The following RABGAP1 variants were observed in gnomAD, a reference collection of about 807,000 sequenced individuals.
RABGAP1 encodes RAB GTPase activating protein 1.
In RABGAP1, 23 loss-of-function variants were observed where a neutral mutation model predicts 137.6. The ratio of observed to expected loss-of-function variants is 0.17; its 90% CI spans 0.12 to 0.24. The LOEUF (loss-of-function observed/expected upper bound fraction) is 0.24. Among genes scored for constraint, RABGAP1 ranks in the 10% least tolerant of loss-of-function variants. The pLI, the probability that RABGAP1 is intolerant of heterozygous loss-of-function variation, is 1.00. For synonymous variants in RABGAP1, 451 were observed against 450.7 expected, an observed-to-expected ratio of 1.00 and a Z score of -0.01; for missense variants, 906 against 1,275.8, an observed-to-expected ratio of 0.71 and a Z score of 4.42.
At position 123,010,451 on chromosome 9, in the gene RABGAP1, G is replaced by A; in HGVS notation, c.1472G>A (p.Ser491Asn). ...SERERRKTTA[S>N]PSVRLPQSGS... ...AGAGAGAGGAGGAAAACTACAGCCA[G>A]TCCTTCAGTTCGCCTGCCACAGTCT... Residue 491 changes from serine to asparagine, a missense_variant, in exon 11 of 26, where the codon AGT (serine) becomes AAT (asparagine). Ser to Asn is a conservative substitution (Grantham distance 46). Coordinates refer to ENST00000373647, the MANE Select transcript of RABGAP1 (RefSeq NM_012197.4). 1 of 1,612,912 alleles carries A rather than the reference G, an allele frequency of 6.2e-7. No individual in the cohort carries two copies. The highest frequency in any genetic ancestry group is 1.3e-5 in the African/African-American group (1 of 75,012).
intron 13 of RABGAP1, chr9:123,035,776 C>T (rs1322383598): frequency 1.7e-5 from 9 of 527,802 alleles, no homozygotes; most frequent in Non-Finnish European, 2.6e-5. Context: ...GTATGGATAC[C>T]TTCTAAGTTT....
chr9:123,025,064 A>C (rs548125662), intron 13 of RABGAP1, among the ~76,000 whole-genome samples: 2 of 152,128 alleles, frequency 1.3e-5, no homozygotes, highest in South Asian at 4.2e-4. Flanking sequence ...GTTAATTTTT[A>C]TGTCTTTAAT....
At chr9:123,017,615 G>A (rs2131910660) in intron 12 of RABGAP1, among the ~76,000 whole-genome samples, 1 of 152,222 alleles carries the variant, frequency 6.6e-6, no homozygotes, top group Non-Finnish European at 1.5e-5. Flanking sequence ...TAAGCTGTGT[G>A]GTCTTAGACA....
intron 13 of RABGAP1, among the ~76,000 whole-genome samples, chr9:123,041,772 T>C (rs942587435): frequency 7.3e-4 from 111 of 152,222 alleles, no homozygotes; most frequent in Admixed American, 1.8e-3. Context: ...GCCTGATTTG[T>C]CTATTGACCA....
At chr9:123,022,040 A>G (rs978536089) in intron 13 of RABGAP1, among the ~76,000 whole-genome samples, 2 of 152,382 alleles carry the variant, frequency 1.3e-5, no homozygotes, top group East Asian at 1.9e-4. Flanking sequence ...ATAAGGTTAT[A>G]TAACATGTAT....
intron 2 of RABGAP1, among the ~76,000 whole-genome samples, chr9:122,978,634 C>T (rs530511683): frequency 4.9e-4 from 74 of 152,186 alleles, no homozygotes; most frequent in Non-Finnish European, 1.0e-3. Context: ...AACCCTGTCT[C>T]TCAAAAAATA....
Position 123,086,831 on chromosome 9 carries a change from C to T in RABGAP1, c.2425-2927C>T, listed in dbSNP as rs369788831. ...AAGACAGCAGAGCTTTGTGTACACC[C>T]GTTCCTGAGAGGTGACCCCTGAGGA... On this transcript the variant is annotated intron_variant, in intron 19 of 25. Transcript: ENST00000373647. 1.1e-3 allele frequency among the ~76,000 whole-genome samples: 169 copies of T among 152,168 alleles called. 4 individuals carry two copies. The South Asian group carries it at 0.033, about 30-fold the overall frequency.
chr9:123,042,863 A>G (rs1399923349), intron 13 of RABGAP1, among the ~76,000 whole-genome samples: 3 of 152,228 alleles, frequency 2.0e-5, no homozygotes, highest in African/African-American at 7.2e-5. Context: ...CATGATGGCA[A>G]ATTGTTATAA....
At chr9:122,978,904 CTTTAT>C (rs1480942504) in intron 2 of RABGAP1, among the ~76,000 whole-genome samples, 2 of 38,556 alleles carry the variant, frequency 5.2e-5, no homozygotes. Flanking sequence ...TTTTATTTTA[CTTTAT>C]TTTATTTTAT....
rs373310759 is a variant in RABGAP1, at chr9:123,055,471, GTCC to G, written c.1795-9872_1795-9870del. Among the ~76,000 whole-genome samples, 411 of 151,436 alleles carry G rather than the reference GTCC, an allele frequency of 2.7e-3. 1 individual carries two copies. The highest frequency in any genetic ancestry group is 4.7e-3 in the Non-Finnish European group (319 of 67,866). ...GGTCTTGAACTCCTTGGTTCACGCAGTCCTCCTGCCTTGGCTTCCTAAAGTGCT... is the reference window on the plus strand; with the variant it reads ...GGTCTTGAACTCCTTGGTTCACGCAGTCCTGCCTTGGCTTCCTAAAGTGCT... On this transcript the variant is annotated intron_variant, in intron 13 of 25. Coordinates refer to ENST00000373647, the MANE Select transcript of RABGAP1 (RefSeq NM_012197.4).
At chr9:122,956,637 G>T (rs1834539264) in intron 1 of RABGAP1, among the ~76,000 whole-genome samples, 1 of 114,814 alleles carries the variant, frequency 8.7e-6, no homozygotes, top group African/African-American at 3.4e-5. Flanking sequence ...GCGACAGAGT[G>T]AGACTCCGTC....
Position 123,070,220 on chromosome 9 carries a change from C to G in RABGAP1, c.1909-130C>G. ...TGGAGAGAAGTATTGGCACCACTTACTGTCTGTCAAAATGCTGTCCCAGTG... is the reference window on the plus strand; with the variant it reads ...TGGAGAGAAGTATTGGCACCACTTAGTGTCTGTCAAAATGCTGTCCCAGTG... On this transcript the variant is annotated intron_variant, in intron 14 of 25. Transcript: ENST00000373647. This position sits in a 1 kb window ranked among gnomAD's most constrained non-coding sequence, Gnocchi z 4.4. 6.8e-7 allele frequency: 1 copy of G among 1,477,062 alleles called. No homozygotes were observed. The highest frequency in any genetic ancestry group is 2.2e-5 in the Admixed American group (1 of 44,484). 91.5% of individuals were successfully genotyped at this position (1,477,062 alleles called of 1,614,324 possible). A position where few individuals can be genotyped will look rare whatever the true frequency, so the allele number is the denominator to read the frequency against.
intron 1 of RABGAP1, among the ~76,000 whole-genome samples, chr9:122,941,828 A>G (rs1286602868): frequency 3.3e-5 from 5 of 152,274 alleles, no homozygotes; most frequent in African/African-American, 1.2e-4. Flanking sequence ...GCTCTTCTGC[A>G]TCCAGACTGT....
chr9:123,076,540 G>A, intron 18 of RABGAP1, 94 bp from the exon 19 acceptor site: 1 of 1,385,950 alleles, frequency 7.2e-7, no homozygotes, highest in Non-Finnish European at 9.7e-7. Context: ...TCTGGGGATT[G>A]TAAAAGTGCT....
At chr9:122,942,376 T>G (rs1200711028) in intron 1 of RABGAP1, among the ~76,000 whole-genome samples, 1 of 152,116 alleles carries the variant, frequency 6.6e-6, no homozygotes, top group Non-Finnish European at 1.5e-5. Context: ...AGAGCTTACT[T>G]ATGAAAACTG....
intron 4 of RABGAP1, 135 bp downstream of exon 4, chr9:122,986,554 A>T: frequency 1.0e-6 from 1 of 957,204 alleles, no homozygotes; most frequent in Non-Finnish European, 1.6e-6. Flanking sequence ...CCTGGCACTC[A>T]TGTCTCCCAA....
chr9:122,996,442 T>C, intron 7 of RABGAP1, 97 bp from the exon 8 acceptor site: 2 of 1,249,228 alleles, frequency 1.6e-6, no homozygotes, highest in Non-Finnish European at 2.2e-6. Flanking sequence ...ATGTGTTCTC[T>C]TTTCTATCAG....
At chr9:123,071,693 G>T (rs774743714) in intron 15 of RABGAP1, among the ~76,000 whole-genome samples, 1 of 152,240 alleles carries the variant, frequency 6.6e-6, no homozygotes, top group Admixed American at 6.5e-5. Context: ...GAAGTGACCT[G>T]TAAGGAGCAG....
intron 12 of RABGAP1, among the ~76,000 whole-genome samples, chr9:123,016,687 T>TC (rs1333234248): frequency 6.6e-6 from 1 of 152,170 alleles, no homozygotes; most frequent in Non-Finnish European, 1.5e-5. Flanking sequence ...TCTGAACACT[T>TC]CTCTATTTCT....
Sources: allele counts gnomAD v4.1 joint callset (sites outside exome capture counted in the v4.1 genomes callset), GRCh38; gene constraint gnomAD v4.1.1; non-coding constraint Gnocchi (gnomAD v3.1); transcripts MANE v1.5; gene names NCBI Gene and HGNC (gene_info 2026-07-23, HGNC 2026-07-21).